DYM: variants seen among roughly 807,000 people sequenced by gnomAD.
The protein encoded by DYM is dyggve-Melchior-Clausen syndrome protein.
In DYM, 78 loss-of-function variants were observed where a neutral mutation model predicts 93.1. That is an observed-to-expected ratio of 0.84 (90% CI 0.70 to 1.01). The LOEUF is 1.01. Among genes scored for constraint, DYM ranks in the 50% least tolerant of loss-of-function variants. The probability of loss-of-function intolerance (pLI) is 0.00; values close to 1 mark genes in which losing one functional copy is unlikely to be tolerated. For synonymous variants in DYM, 321 were observed against 319.7 expected (o/e 1.00, Z -0.04); for missense variants, 789 against 845.0 (o/e 0.93, Z 0.82).
At chr18:49,419,255 A>C (rs1484281419) in intron 2 of DYM, among the ~76,000 whole-genome samples, 1 of 152,066 alleles carries the variant, frequency 6.6e-6, no homozygotes, top group Non-Finnish European at 1.5e-5. Context: ...AGCTACTCGG[A>C]AGCCTGAGGC....
In DYM at chr18:49,332,004, A is replaced by C. The variant is rs2063339946; in HGVS notation, c.623T>G (p.Leu208Arg). 1 of 1,613,366 alleles carries C rather than the reference A, an allele frequency of 6.2e-7. No homozygotes were observed. The highest frequency in any genetic ancestry group is 1.7e-5 in the Admixed American group (1 of 59,978). Residue 208 changes from leucine to arginine, a missense_variant and splice_region_variant, in exon 8 of 18, where the codon CTT (leucine) becomes CGT (arginine). Leu to Arg is a moderately radical substitution (Grantham distance 102). Coordinates refer to ENST00000675505, the MANE Select transcript of DYM (RefSeq NM_001353214.3). ...CTTCACAAGTTTGCTGGTGTATGGA[A>C]GACTATACAAAAAGGAAAAAAAAAT... ...SHKYLMRGPC[L>R]PYTSKLVKTL...
At chr18:49,281,162 C>A (rs1432164369) in intron 10 of DYM, among the ~76,000 whole-genome samples, 9 of 152,170 alleles carry the variant, frequency 5.9e-5, no homozygotes, top group Non-Finnish European at 2.9e-5. Flanking sequence ...AGACACTTCT[C>A]AAAAGAAGAC....
intron 8 of DYM, among the ~76,000 whole-genome samples, chr18:49,290,899 A>T (rs1246949117): frequency 6.6e-6 from 1 of 152,168 alleles, no homozygotes; most frequent in Non-Finnish European, 1.5e-5. Context: ...GCAATTAAAA[A>T]TAATAAGGAA....
At chr18:49,298,163 G>A (rs2060676948) in intron 8 of DYM, among the ~76,000 whole-genome samples, 1 of 133,232 alleles carries the variant, frequency 7.5e-6, no homozygotes, top group South Asian at 2.3e-4. Flanking sequence ...AACCCATCCT[G>A]TCTCCCAAAA....
intron 7 of DYM, 91 bp from the exon 8 acceptor site, chr18:49,332,097 T>G: frequency 8.7e-6 from 11 of 1,265,798 alleles, no homozygotes; most frequent in Non-Finnish European, 1.2e-5. Context: ...CCATTAACAC[T>G]ATCTGTTAAT....
chr18:49,112,400 T>G (rs2145872894), intron 16 of DYM, among the ~76,000 whole-genome samples: 1 of 152,248 alleles, frequency 6.6e-6, no homozygotes, highest in South Asian at 2.1e-4. Context: ...TGATTTCTTT[T>G]TACCCACTTG....
At chr18:49,404,958 C>T (rs1180747115) in intron 2 of DYM, among the ~76,000 whole-genome samples, 2 of 148,106 alleles carry the variant, frequency 1.4e-5, no homozygotes, top group East Asian at 3.9e-4. Flanking sequence ...GGTTGCAGTG[C>T]GCCAAGGTTG....
Position 49,281,678 on chromosome 18 carries a change from T to C in DYM, c.1125+319A>G, listed in dbSNP as rs369560509. Among the ~76,000 whole-genome samples, 20 of 152,188 alleles carry C rather than the reference T, an allele frequency of 1.3e-4. 1 individual carries two copies. The South Asian group carries it at 3.9e-3, about 30-fold the overall frequency. Reference sequence around the variant, plus strand: ...GGGACATGGATGAAGCTGGAAACCATCATTCTCAGCGAACTATCCCAAGGA... The same window carrying C: ...GGGACATGGATGAAGCTGGAAACCACCATTCTCAGCGAACTATCCCAAGGA... On this transcript the variant is annotated intron_variant, in intron 10 of 17. Coordinates refer to ENST00000675505, the MANE Select transcript of DYM (RefSeq NM_001353214.3).
intron 8 of DYM, among the ~76,000 whole-genome samples, chr18:49,295,534 G>A (rs763317282): frequency 1.3e-5 from 2 of 152,160 alleles, no homozygotes; most frequent in African/African-American, 4.8e-5. Flanking sequence ...AACCATGTAT[G>A]AGGACACTGC....
rs376080171 is a variant in DYM at position 49,101,010 on chromosome 18, C to T, written c.1912-3495G>A. 2.8e-4 allele frequency among the ~76,000 whole-genome samples: 43 copies of T among 152,302 alleles called. No homozygotes were observed. The East Asian group carries it at 4.4e-3, about 16-fold the overall frequency. On this transcript the variant is annotated intron_variant, in intron 16 of 17. Coordinates refer to ENST00000675505, the MANE Select transcript of DYM (RefSeq NM_001353214.3). ...GTCTGACTGCAACACCAGCAAAGAA[C>T]GTGAAACAATTCATTCAAAGATAAG... is the stretch of plus-strand genomic sequence containing the variant.
intron 1 of DYM, among the ~76,000 whole-genome samples, chr18:49,437,539 T>C (rs2080966802): frequency 6.6e-6 from 1 of 152,230 alleles, no homozygotes; most frequent in Non-Finnish European, 1.5e-5. Context: ...TACATAAGCA[T>C]ATAAAATATT....
chr18:49,326,992 CGTGTGTGTGTGTGT>C (rs10584298), intron 8 of DYM, among the ~76,000 whole-genome samples: 2,865 of 93,376 alleles, frequency 0.031, 91 homozygotes, highest in African/African-American at 0.086. Context: ...TTTAAAAAAC[CGTGTGTGTGTGTGT>C]GTGTGTGTGT....
At chr18:49,357,298 C>T (rs1408781068) in intron 6 of DYM, among the ~76,000 whole-genome samples, 1 of 152,068 alleles carries the variant, frequency 6.6e-6, no homozygotes, top group East Asian at 1.9e-4. Context: ...AGTATATTCA[C>T]AATATGTTTT....
intron 8 of DYM, among the ~76,000 whole-genome samples, chr18:49,320,053 T>C (rs575567608): frequency 1.3e-5 from 2 of 152,278 alleles, no homozygotes; most frequent in South Asian, 2.1e-4. Flanking sequence ...TTTTTAAAGA[T>C]AGGGAAAAGC....
chr18:49,348,347 C>A (rs548802473), intron 6 of DYM, among the ~76,000 whole-genome samples: 1 of 152,154 alleles, frequency 6.6e-6, no homozygotes, highest in Admixed American at 6.5e-5. Flanking sequence ...TGCTATAGTA[C>A]AGATATTATC....
intron 1 of DYM, among the ~76,000 whole-genome samples, chr18:49,457,302 C>A (rs1305041772): frequency 1.3e-5 from 2 of 152,138 alleles, no homozygotes; most frequent in African/African-American, 2.4e-5. Flanking sequence ...ATCATTGCCC[C>A]CAGCGTGTCC....
intron 2 of DYM, among the ~76,000 whole-genome samples, chr18:49,426,259 A>C (rs2074273758): frequency 6.6e-6 from 1 of 152,100 alleles, no homozygotes. Flanking sequence ...ACATGGATGA[A>C]GCTGGAAACC....
At chr18:49,221,378 C>G (rs926470109) in intron 13 of DYM, among the ~76,000 whole-genome samples, 1 of 151,980 alleles carries the variant, frequency 6.6e-6, no homozygotes, top group African/African-American at 2.4e-5. Flanking sequence ...ACTAGAAATA[C>G]CATTTGACCC....
At chr18:49,112,396 C>G (rs531746096) in intron 16 of DYM, among the ~76,000 whole-genome samples, 1 of 152,094 alleles carries the variant, frequency 6.6e-6, no homozygotes, top group African/African-American at 2.4e-5. Flanking sequence ...CATCTGATTT[C>G]TTTTTACCCA....
Sources: allele counts gnomAD v4.1 joint callset (sites outside exome capture counted in the v4.1 genomes callset), GRCh38; gene constraint gnomAD v4.1.1; transcripts MANE v1.5; gene names NCBI Gene and HGNC (gene_info 2026-07-23, HGNC 2026-07-21).